The following RGS8 variants were observed in gnomAD, a reference collection of about 807,000 sequenced individuals.
The protein encoded by RGS8 is regulator of G-protein signaling 8.
Under a neutral mutation model 21.7 loss-of-function variants are expected in RGS8, and 8 were observed. That is an observed-to-expected ratio of 0.37 (90% CI 0.22 to 0.66). The LOEUF (loss-of-function observed/expected upper bound fraction) is 0.66. Ranked by LOEUF, RGS8 falls within the 30% of genes least tolerant of loss-of-function variation. RGS8 has a pLI of 0.59. For missense variants in RGS8, 157 were observed against 217.9 expected (o/e 0.72, Z 1.76); for synonymous variants, 80 against 83.6 (o/e 0.96, Z 0.24).
At chr1:182,675,551 C>A (rs1664329163), upstream of RGS8, among the ~76,000 whole-genome samples, 3 of 152,148 alleles carry the variant, frequency 2.0e-5, no homozygotes, top group South Asian at 6.2e-4. Context: ...CCTTGTCCTG[C>A]CTGACAATGA....
chr1:182,654,832 C>A (rs930313726), intron 5 of RGS8, among the ~76,000 whole-genome samples: 8 of 152,060 alleles, frequency 5.3e-5, no homozygotes, highest in Admixed American at 1.3e-4. Context: ...AAAGAGAGAA[C>A]CCATCAGTTC....
the RGS8 span, among the ~76,000 whole-genome samples, chr1:182,735,617 G>A: frequency 1.3e-5 from 2 of 152,154 alleles, no homozygotes; most frequent in Admixed American, 1.3e-4. Context: ...GTGGAAGCAG[G>A]GACAACACAG....
chr1:182,672,731 T>G, upstream of RGS8: 3 of 1,496,588 alleles, frequency 2.0e-6, no homozygotes, highest in Non-Finnish European at 2.8e-6. Context: ...TGTTATGGAG[T>G]GAGACTTTTC....
the RGS8 span, among the ~76,000 whole-genome samples, chr1:182,706,325 C>A: frequency 6.6e-6 from 1 of 152,076 alleles, no homozygotes; most frequent in East Asian, 1.9e-4. Flanking sequence ...AACAATCTGG[C>A]TCCCCTGTCC....
At chr1:182,650,066 T>C (rs527534623) in intron 5 of RGS8, among the ~76,000 whole-genome samples, 2 of 149,438 alleles carry the variant, frequency 1.3e-5, no homozygotes, top group Admixed American at 1.3e-4. Flanking sequence ...CGTGCGCCAC[T>C]ACGCCTCGCT....
the RGS8 span, among the ~76,000 whole-genome samples, chr1:182,738,443 A>G: frequency 1.3e-5 from 2 of 152,262 alleles, no homozygotes; most frequent in African/African-American, 4.8e-5. Flanking sequence ...AAGAAAATAT[A>G]TATTTTAAAA....
At chr1:182,735,189 A>AT in the RGS8 span, among the ~76,000 whole-genome samples, 3 of 152,082 alleles carry the variant, frequency 2.0e-5, no homozygotes, top group Admixed American at 6.5e-5. Flanking sequence ...TGAATAGTGA[A>AT]TTTTTTTTAA....
downstream of RGS8, chr1:182,642,748 G>A (rs1280977444): frequency 6.6e-6 from 1 of 152,194 alleles, no homozygotes. Flanking sequence ...GAAAGCACCG[G>A]AGATTAAAAT....
At chr1:182,674,240 G>T (rs1206621782), upstream of RGS8, among the ~76,000 whole-genome samples, 1 of 152,178 alleles carries the variant, frequency 6.6e-6, no homozygotes, top group Non-Finnish European at 1.5e-5. Flanking sequence ...CTGCAAATGG[G>T]CCTGAGTCGC....
At chr1:182,735,178 A>G in the RGS8 span, among the ~76,000 whole-genome samples, 961 of 152,336 alleles carry the variant, frequency 6.3e-3, 12 homozygotes, top group African/African-American at 0.022. Context: ...AAGAGCTCAA[A>G]TGAATAGTGA....
At chr1:182,692,675 CAAA>C in the RGS8 span, among the ~76,000 whole-genome samples, 10 of 28,028 alleles carry the variant, frequency 3.6e-4, no homozygotes, top group Admixed American at 2.2e-3. Context: ...CAATCCTAAG[CAAA>C]AAAAAAAAAA....
the RGS8 span, among the ~76,000 whole-genome samples, chr1:182,727,107 C>A: frequency 6.6e-6 from 1 of 152,198 alleles, no homozygotes; most frequent in Non-Finnish European, 1.5e-5. Flanking sequence ...GTCAGGAACT[C>A]CACCTAAGCA....
chr1:182,732,274 C>CACACACAA, the RGS8 span, among the ~76,000 whole-genome samples: 4 of 141,874 alleles, frequency 2.8e-5, no homozygotes, highest in African/African-American at 1.1e-4. Context: ...CTCTCTCATA[C>CACACACAA]ACACACACAC....
chr1:182,689,978 A>AT, the RGS8 span, among the ~76,000 whole-genome samples: 8 of 152,194 alleles, frequency 5.3e-5, no homozygotes, highest in South Asian at 1.7e-3. Flanking sequence ...CTTGGACTTC[A>AT]TTCATTTTTC....
chr1:182,741,173 C>A, the RGS8 span, among the ~76,000 whole-genome samples: 1 of 143,094 alleles, frequency 7.0e-6, no homozygotes, highest in African/African-American at 2.6e-5. Flanking sequence ...GGCGGCTGGC[C>A]GGGTGGGGGG....
chr1:182,678,090 AT>A (rs1353395380), intron 1 of RGS8, among the ~76,000 whole-genome samples: 4 of 152,186 alleles, frequency 2.6e-5, no homozygotes, highest in Admixed American at 6.5e-5. Context: ...CATTATCGTT[AT>A]TTTTTAGTGC....
At chr1:182,665,823 C>T (rs1286268073) in intron 5 of RGS8, 146 bp downstream of exon 6, 5 of 606,168 alleles carry the variant, frequency 8.2e-6, no homozygotes, top group Non-Finnish European at 1.5e-5. Flanking sequence ...CTATATGCTC[C>T]TCTAGGCAGG....
At chr1:182,721,138 GTCT>G in the RGS8 span, among the ~76,000 whole-genome samples, 4 of 148,844 alleles carry the variant, frequency 2.7e-5, no homozygotes, top group African/African-American at 4.9e-5. Context: ...CCCTGATTTA[GTCT>G]TCTTTAGTCT....
chr1:182,714,229 T>C, the RGS8 span: 1 of 152,228 alleles, frequency 6.6e-6, no homozygotes, highest in African/African-American at 2.4e-5. Flanking sequence ...GACAGCACAC[T>C]GTTCTTTCTT....
Sources: allele counts gnomAD v4.1 joint callset (sites outside exome capture counted in the v4.1 genomes callset), GRCh38; gene constraint gnomAD v4.1.1; transcripts MANE v1.5; gene names NCBI Gene and HGNC (gene_info 2026-07-23, HGNC 2026-07-21).